The following PDE6D variants were observed in gnomAD, a reference collection of about 807,000 sequenced individuals.
The protein encoded by PDE6D is phosphodiesterase 6D, also known as retinal rod rhodopsin-sensitive cGMP 3',5'-cyclic phosphodiesterase subunit delta.
PDE6D carries 10 observed loss-of-function variants against 21.9 expected under a neutral mutation model. The ratio of observed to expected loss-of-function variants is 0.46; its 90% CI spans 0.28 to 0.78. The LOEUF is 0.78. Ranked by LOEUF, PDE6D falls within the 30% of genes least tolerant of loss-of-function variation. PDE6D has a pLI of 0.12. For synonymous variants in PDE6D, 59 were observed against 63.5 expected, an observed-to-expected ratio of 0.93 and a Z score of 0.34; for missense variants, 139 against 184.8, an observed-to-expected ratio of 0.75 and a Z score of 1.44.
At chr2:231,758,823 G>C (rs1187301558) in intron 1 of PDE6D, among the ~76,000 whole-genome samples, 1 of 152,138 alleles carries the variant, frequency 6.6e-6, no homozygotes, top group East Asian at 1.9e-4. Flanking sequence ...CTGAGATTTT[G>C]CATTTCTAAC....
Position 231,747,388 on chromosome 2 carries a change from A to G in PDE6D, c.51-8200T>C, listed in dbSNP as rs2106268050. The stretch of plus-strand genomic sequence containing the variant: ...TTACAGGCGTGAGCCACCACACCCG[A>G]CCTATGATACTTTAAAGAATGAAAG... On this transcript the variant is annotated intron_variant, in intron 1 of 4. Coordinates refer to ENST00000287600, the MANE Select transcript of PDE6D (RefSeq NM_002601.4). 1.3e-5 allele frequency among the ~76,000 whole-genome samples: 2 copies of G among 152,284 alleles called. 1 individual carries two copies. Among genetic ancestry groups the G allele is most frequent in the South Asian group, 4.1e-4 (2 of 4,826 alleles).
chr2:231,757,902 G>A (rs1412171032), intron 1 of PDE6D, among the ~76,000 whole-genome samples: 2 of 151,716 alleles, frequency 1.3e-5, no homozygotes, highest in African/African-American at 4.8e-5. Context: ...TGCTTCGGCA[G>A]CACATATACT....
intron 1 of PDE6D, among the ~76,000 whole-genome samples, chr2:231,762,527 T>C (rs1289833160): frequency 3.3e-5 from 5 of 151,880 alleles, no homozygotes; most frequent in Non-Finnish European, 7.4e-5. Flanking sequence ...GTATTTTTAG[T>C]AAGGACAAGG....
Position 231,739,872 on chromosome 2 carries a change from T to C in PDE6D, c.51-684A>G, listed in dbSNP as rs1305532988. ...GTCTCGAACTCCTGACCTCAAGTGA[T>C]CTGTCTGCCTCAGCCTCTGAGTGCC... On this transcript the variant is annotated intron_variant, in intron 1 of 4. Transcript: ENST00000287600. This position sits in a 1 kb window ranked among gnomAD's most constrained non-coding sequence, Gnocchi z 4.2. 2.0e-5 allele frequency among the ~76,000 whole-genome samples: 3 copies of C among 152,184 alleles called. No homozygotes were observed. The highest frequency in any genetic ancestry group is 2.9e-5 in the Non-Finnish European group (2 of 68,032).
chr2:231,741,591 CT>C (rs2048750599), intron 1 of PDE6D, among the ~76,000 whole-genome samples: 1 of 152,062 alleles, frequency 6.6e-6, no homozygotes, highest in African/African-American at 2.4e-5. Context: ...AAGAGATTTT[CT>C]TTTAAAAAGA....
chr2:231,767,558 GC>G lies in PDE6D; in HGVS notation c.50+13506del, dbSNP rs1217064622. On this transcript the variant is annotated intron_variant, in intron 1 of 4. Coordinates refer to ENST00000287600, the MANE Select transcript of PDE6D (RefSeq NM_002601.4). ...TCTCAATCTCCTGACCTTGTGATCT[GC>G]CCGCCTTGGCCTCCCAAAGTGCTGG... 6.6e-5 allele frequency among the ~76,000 whole-genome samples: 10 copies of G among 152,026 alleles called. 1 individual carries two copies.
chr2:231,747,111 TG>T (rs2048800259), intron 1 of PDE6D, among the ~76,000 whole-genome samples: 1 of 152,154 alleles, frequency 6.6e-6, no homozygotes, highest in Non-Finnish European at 1.5e-5. Flanking sequence ...TCTTTTGAGA[TG>T]GAGTTTCGCT....
At chr2:231,741,781 C>T (rs2048751952) in intron 1 of PDE6D, among the ~76,000 whole-genome samples, 1 of 152,144 alleles carries the variant, frequency 6.6e-6, no homozygotes, top group Admixed American at 6.6e-5. Context: ...CATAGTATAA[C>T]TCATGGCTTC....
chr2:231,747,773 C>T (rs2048806399), intron 1 of PDE6D, among the ~76,000 whole-genome samples: 1 of 152,224 alleles, frequency 6.6e-6, no homozygotes, highest in African/African-American at 2.4e-5. Context: ...TTCTCACCTG[C>T]ACCAAGCAGC....
intron 1 of PDE6D, among the ~76,000 whole-genome samples, chr2:231,740,876 C>T (rs537948640): frequency 7.3e-5 from 11 of 151,590 alleles, no homozygotes; most frequent in African/African-American, 2.7e-4. Flanking sequence ...AGCGATGGCT[C>T]ACCTGTAATC....
In PDE6D at chr2:231,759,177, C is replaced by T. The variant is rs188456325; in HGVS notation, c.51-19989G>A. On this transcript the variant is annotated intron_variant, in intron 1 of 4. Coordinates refer to ENST00000287600, the MANE Select transcript of PDE6D (RefSeq NM_002601.4). ...TATTAAAAAAAAAAAATTAGCCAGG[C>T]GTGATGGCACATGCCTGTAGTCCCA... 6.2e-4 allele frequency among the ~76,000 whole-genome samples: 94 copies of T among 151,882 alleles called. No individual in the cohort carries two copies. In the East Asian group the frequency reaches 0.016, roughly 27 times the overall value.
intron 1 of PDE6D, among the ~76,000 whole-genome samples, chr2:231,750,403 T>C (rs539410902): frequency 1.6e-4 from 25 of 152,248 alleles, no homozygotes; most frequent in Middle Eastern, 3.4e-3. Context: ...GACAATATCT[T>C]TAAATTCATA....
At chr2:231,736,215 A>T (rs1297101707) in intron 4 of PDE6D, among the ~76,000 whole-genome samples, 1 of 152,032 alleles carries the variant, frequency 6.6e-6, no homozygotes, top group Non-Finnish European at 1.5e-5. Flanking sequence ...AAAACAAAAA[A>T]CCTTAAAGTC....
At chr2:231,747,040 A>C (rs2048799338) in intron 1 of PDE6D, among the ~76,000 whole-genome samples, 1 of 152,200 alleles carries the variant, frequency 6.6e-6, no homozygotes, top group African/African-American at 2.4e-5. Context: ...CTCCTCTGAA[A>C]ATGTTAATTG....
At chr2:231,742,557 C>T (rs977574934) in intron 1 of PDE6D, among the ~76,000 whole-genome samples, 5 of 152,122 alleles carry the variant, frequency 3.3e-5, no homozygotes, top group Non-Finnish European at 4.4e-5. Context: ...AGAAAATTAA[C>T]ATTATGCAAG....
At chr2:231,771,310 AC>A (rs1246262082) in intron 1 of PDE6D, among the ~76,000 whole-genome samples, 2 of 152,164 alleles carry the variant, frequency 1.3e-5, no homozygotes, top group African/African-American at 4.8e-5. Context: ...TAATACAACA[AC>A]AAAAGAATAA....
At chr2:231,773,166 G>A (rs1373426878) in intron 1 of PDE6D, among the ~76,000 whole-genome samples, 1 of 152,180 alleles carries the variant, frequency 6.6e-6, no homozygotes, top group Non-Finnish European at 1.5e-5. Flanking sequence ...ATCTGAGCCT[G>A]GGAGGTCAAG....
chr2:231,740,642 C>T (rs937056401), intron 1 of PDE6D, among the ~76,000 whole-genome samples: 1 of 141,794 alleles, frequency 7.1e-6, no homozygotes, highest in Non-Finnish European at 1.5e-5. Context: ...GATCATGCGA[C>T]TGCACTCCAG....
intron 1 of PDE6D, among the ~76,000 whole-genome samples, chr2:231,752,157 A>G (rs1391899388): frequency 6.6e-6 from 1 of 152,216 alleles, no homozygotes. Context: ...AGATGCTTAC[A>G]TGTCTCAGGA....
Sources: gnomAD v4.1 joint callset for allele counts (sites outside exome capture counted in the v4.1 genomes callset) on GRCh38, gnomAD v4.1.1 for gene constraint, Gnocchi (gnomAD v3.1) non-coding constraint, MANE v1.5 for transcripts, NCBI Gene and HGNC (gene_info 2026-07-23, HGNC 2026-07-21) for gene names.